The following ROBO1 variants were observed in gnomAD, a reference collection of about 807,000 sequenced individuals.
The protein encoded by ROBO1 is roundabout homolog 1.
In ROBO1, 149 loss-of-function variants were observed where a neutral mutation model predicts 195.9. The observed-to-expected ratio is 0.76, with a 90% confidence interval of 0.67 to 0.87. The LOEUF is 0.87. ROBO1 is among the 40% of genes least tolerant of loss of function. The pLI is 0.00. For synonymous variants in ROBO1, 816 were observed against 733.2 expected (o/e 1.11, Z -1.82); for missense variants, 1,933 against 2,068.3 (o/e 0.93, Z 1.27).
chr3:79,539,412 A>G (rs993063251), intron 2 of ROBO1, among the ~76,000 whole-genome samples: 2 of 152,154 alleles, frequency 1.3e-5, no homozygotes, highest in Non-Finnish European at 2.9e-5. Context: ...TTTAAAAAAG[A>G]CTTTTGGGTA....
intron 2 of ROBO1, among the ~76,000 whole-genome samples, chr3:79,561,277 A>G (rs1474225939): frequency 6.6e-6 from 1 of 152,188 alleles, no homozygotes; most frequent in Non-Finnish European, 1.5e-5. Flanking sequence ...TCAGAGTATT[A>G]AAGGGAAATA....
intron 4 of ROBO1, among the ~76,000 whole-genome samples, chr3:78,807,719 C>A (rs2108609006): frequency 6.6e-6 from 1 of 152,224 alleles, no homozygotes; most frequent in Admixed American, 6.5e-5. Flanking sequence ...ATCCTTTTAA[C>A]TTTAATTTAA....
At chr3:78,834,188 A>G (rs937147359) in intron 4 of ROBO1, among the ~76,000 whole-genome samples, 1 of 152,106 alleles carries the variant, frequency 6.6e-6, no homozygotes, top group Non-Finnish European at 1.5e-5. Context: ...CAGTTTTTAT[A>G]GATAATGGAA....
At chr3:78,908,979 A>C (rs2038087394) in intron 4 of ROBO1, among the ~76,000 whole-genome samples, 1 of 151,930 alleles carries the variant, frequency 6.6e-6, no homozygotes, top group Non-Finnish European at 1.5e-5. Flanking sequence ...ATGAATAAAA[A>C]ATATGAACAT....
intron 4 of ROBO1, among the ~76,000 whole-genome samples, chr3:78,858,564 CAAAAAAAAAA>C (rs554355096): frequency 1.0e-5 from 1 of 96,512 alleles, no homozygotes; most frequent in Non-Finnish European, 2.1e-5. Context: ...CCCTGTCTAC[CAAAAAAAAAA>C]AAAAAAAAAA....
intron 2 of ROBO1, among the ~76,000 whole-genome samples, chr3:79,561,971 C>T (rs892001364): frequency 7.2e-5 from 11 of 152,118 alleles, no homozygotes; most frequent in African/African-American, 2.7e-4. Context: ...ACAAATGTCA[C>T]TTCTGTATGA....
At chr3:78,827,027 A>G (rs932218740) in intron 4 of ROBO1, among the ~76,000 whole-genome samples, 2 of 152,192 alleles carry the variant, frequency 1.3e-5, no homozygotes, top group African/African-American at 4.8e-5. Flanking sequence ...CAAAGAGGAA[A>G]TAGGAAACTA....
intron 3 of ROBO1, among the ~76,000 whole-genome samples, chr3:79,032,202 T>G (rs922523438): frequency 6.6e-6 from 1 of 152,054 alleles, no homozygotes; most frequent in Non-Finnish European, 1.5e-5. Context: ...CAACGATATG[T>G]ATTGAGCAAA....
chr3:79,760,497 C>CAAAAAAAAAAA (rs71631676), intron 1 of ROBO1, among the ~76,000 whole-genome samples: 1 of 114,848 alleles, frequency 8.7e-6, no homozygotes, highest in African/African-American at 3.3e-5. Flanking sequence ...AATGCAATAC[C>CAAAAAAAAAAA]AAAAAAAAAA....
At chr3:79,054,914 C>T (rs2078774545) in intron 3 of ROBO1, among the ~76,000 whole-genome samples, 1 of 152,136 alleles carries the variant, frequency 6.6e-6, no homozygotes, top group African/African-American at 2.4e-5. Context: ...CCAGCACAAA[C>T]AAATTTATCT....
At chr3:79,014,375 A>G (rs1228563212) in intron 3 of ROBO1, among the ~76,000 whole-genome samples, 1 of 152,212 alleles carries the variant, frequency 6.6e-6, no homozygotes, top group Admixed American at 6.5e-5. Flanking sequence ...CAGGAGGCTG[A>G]GGCAGGAGAA....
intron 3 of ROBO1, among the ~76,000 whole-genome samples, chr3:79,044,037 T>A (rs2108342366): frequency 6.6e-6 from 1 of 151,832 alleles, no homozygotes; most frequent in South Asian, 2.1e-4. Flanking sequence ...GGGCGTCCAA[T>A]CTTTTGGCTT....
At chr3:79,358,660 T>C (rs2035653011) in intron 2 of ROBO1, among the ~76,000 whole-genome samples, 1 of 152,096 alleles carries the variant, frequency 6.6e-6, no homozygotes. Context: ...CATTTAACAG[T>C]ACTTGTACGT....
chr3:79,256,868 G>C (rs1033913000), intron 2 of ROBO1, among the ~76,000 whole-genome samples: 2 of 152,094 alleles, frequency 1.3e-5, no homozygotes, highest in Admixed American at 1.3e-4. Flanking sequence ...GCTGTGCACT[G>C]TAACAGTCAA....
chr3:78,911,107 C>T (rs1022890328), intron 4 of ROBO1, among the ~76,000 whole-genome samples: 3 of 151,950 alleles, frequency 2.0e-5, no homozygotes, highest in Non-Finnish European at 2.9e-5. Flanking sequence ...GAGTTTGTCA[C>T]AGCACTAAAT....
chr3:79,581,446 C>G (rs1943658770), intron 2 of ROBO1, among the ~76,000 whole-genome samples: 1 of 152,106 alleles, frequency 6.6e-6, no homozygotes, highest in African/African-American at 2.4e-5. Context: ...CGAGTTTCTT[C>G]ATTGAGTATC....
intron 4 of ROBO1, among the ~76,000 whole-genome samples, chr3:78,843,085 T>C (rs1354269235): frequency 2.6e-5 from 4 of 152,226 alleles, no homozygotes; most frequent in Non-Finnish European, 2.9e-5. Context: ...ATTTATATGA[T>C]AAGCATGTAT....
intron 2 of ROBO1, among the ~76,000 whole-genome samples, chr3:79,300,422 C>G (rs1449112917): frequency 6.6e-6 from 1 of 152,330 alleles, no homozygotes; most frequent in East Asian, 1.9e-4. Context: ...CGGCGCTGCG[C>G]TCGATTTCTC....
chr3:79,394,996 C>T (rs2037088186), intron 2 of ROBO1, among the ~76,000 whole-genome samples: 1 of 151,986 alleles, frequency 6.6e-6, no homozygotes, highest in Non-Finnish European at 1.5e-5. Context: ...GAGTCTAGAT[C>T]AGTAGACCAT....
Sources: allele counts gnomAD v4.1 joint callset (sites outside exome capture counted in the v4.1 genomes callset), GRCh38; gene constraint gnomAD v4.1.1; transcripts MANE v1.5; gene names NCBI Gene and HGNC (gene_info 2026-07-23, HGNC 2026-07-21).